Variants in PCDH11X observed in about 807,000 individuals in gnomAD.
PCDH11X encodes the protein protocadherin-11 X-linked.
PCDH11X carries 18 observed loss-of-function variants against 53.3 expected under a neutral mutation model. The observed-to-expected ratio is 0.34, with a 90% CI of 0.23 to 0.50. The LOEUF is 0.50. PCDH11X is among the 20% of genes least tolerant of loss of function. PCDH11X has a pLI of 0.98. For missense variants in PCDH11X, 570 were observed against 1,032.4 expected (o/e 0.55, Z 6.14); for synonymous variants, 279 against 393.3 (o/e 0.71, Z 3.44).
rs186030953 is a variant in PCDH11X at position 92,264,515 on chromosome X, T to C, written c.3144+1372T>C. 9.9e-5 allele frequency among the ~76,000 whole-genome samples: 11 copies of C among 111,484 alleles called. No homozygotes were observed. The Admixed American group carries it at 1.1e-3, about 11-fold the overall frequency. On this transcript the variant is annotated intron_variant, in intron 8 of 10. Coordinates refer to ENST00000682573, the MANE Select transcript of PCDH11X (RefSeq NM_032968.5). ...GTGTATAAAACATGTATTTATATTATATTATGTGTATATTTAGAGAAAGGG... is the reference window on the plus strand; with the variant it reads ...GTGTATAAAACATGTATTTATATTACATTATGTGTATATTTAGAGAAAGGG...
At chrX:92,042,378 C>A (rs2063221534) in intron 6 of PCDH11X, among the ~76,000 whole-genome samples, 2 of 100,224 alleles carry the variant, frequency 2.0e-5, no homozygotes, top group Non-Finnish European at 1.9e-5. Context: ...ATGAATATGT[C>A]TTTCTGAAGA....
intron 8 of PCDH11X, among the ~76,000 whole-genome samples, chrX:92,284,495 A>G (rs1470949060): frequency 1.3e-4 from 15 of 112,403 alleles, no homozygotes; most frequent in Admixed American, 2.8e-4. Context: ...AAACAAAACA[A>G]TATATTTTAA....
chrX:91,821,544 A>G (rs7056054), intron 4 of PCDH11X, among the ~76,000 whole-genome samples: 11,987 of 108,627 alleles, frequency 0.11, 1,892 homozygotes, highest in African/African-American at 0.39. Context: ...ACTTTGCTGA[A>G]GTTGTTTATC....
At chrX:92,586,627 G>A (rs1463696536) in intron 10 of PCDH11X, among the ~76,000 whole-genome samples, 1 of 106,028 alleles carries the variant, frequency 9.4e-6, no homozygotes, top group Non-Finnish European at 1.9e-5. Flanking sequence ...GGTGATGATC[G>A]CTTAATTAAA....
At chrX:91,834,335 C>T (rs2147614883) in intron 4 of PCDH11X, among the ~76,000 whole-genome samples, 1 of 110,235 alleles carries the variant, frequency 9.1e-6, no homozygotes, top group African/African-American at 3.3e-5. Context: ...CAGAAGAGTT[C>T]AAGAACTGAA....
intron 8 of PCDH11X, among the ~76,000 whole-genome samples, chrX:92,308,513 T>C (rs2522759): frequency 0.41 from 44,719 of 109,015 alleles, 8,454 homozygotes; most frequent in East Asian, 0.84. Flanking sequence ...AATGAATCAA[T>C]GACCTTAACC....
intron 5 of PCDH11X, among the ~76,000 whole-genome samples, chrX:91,861,756 C>T (rs2524504): frequency 8.9e-6 from 1 of 111,843 alleles, no homozygotes; most frequent in Non-Finnish European, 1.9e-5. Flanking sequence ...TTGTGCAGAT[C>T]GGTTGAAAAA....
At chrX:92,238,548 T>A (rs1247100811) in intron 7 of PCDH11X, among the ~76,000 whole-genome samples, 5 of 110,849 alleles carry the variant, frequency 4.5e-5, no homozygotes, top group African/African-American at 1.3e-4. Context: ...AATGAGATAA[T>A]ATAGGTAACA....
At chrX:92,156,591 G>T (rs1156711319) in intron 6 of PCDH11X, among the ~76,000 whole-genome samples, 3 of 111,580 alleles carry the variant, frequency 2.7e-5, no homozygotes, top group African/African-American at 9.8e-5. Flanking sequence ...AAATCACTGT[G>T]AATGCAGACA....
At chrX:92,461,699 A>C (rs2073049284) in intron 9 of PCDH11X, among the ~76,000 whole-genome samples, 1 of 111,370 alleles carries the variant, frequency 9.0e-6, no homozygotes, top group Non-Finnish European at 1.9e-5. Flanking sequence ...AAACCAAAAA[A>C]TGGACAAATG....
intron 6 of PCDH11X, among the ~76,000 whole-genome samples, chrX:92,109,368 C>T (rs1288361964): frequency 1.9e-5 from 2 of 106,476 alleles, no homozygotes; most frequent in Non-Finnish European, 3.8e-5. Flanking sequence ...AGGGAGATTC[C>T]ATCTCAAAAA....
At chrX:92,258,558 G>A (rs1224658488) in intron 7 of PCDH11X, among the ~76,000 whole-genome samples, 17 of 109,541 alleles carry the variant, frequency 1.6e-4, no homozygotes, top group African/African-American at 5.0e-4. Flanking sequence ...TAGTGGAGAC[G>A]GGGTTTCACT....
At chrX:92,238,344 A>G (rs902534781) in intron 7 of PCDH11X, among the ~76,000 whole-genome samples, 5 of 111,531 alleles carry the variant, frequency 4.5e-5, no homozygotes, top group Non-Finnish European at 9.4e-5. Flanking sequence ...ATATAATGTC[A>G]TTTGCAGACA....
chrX:92,273,923 T>C (rs1019298597), intron 8 of PCDH11X, among the ~76,000 whole-genome samples: 1 of 110,285 alleles, frequency 9.1e-6, no homozygotes, highest in African/African-American at 3.3e-5. Flanking sequence ...TTCAAGAGTT[T>C]AGAGTGGCAG....
intron 4 of PCDH11X, among the ~76,000 whole-genome samples, chrX:91,813,978 A>C (rs1203662860): frequency 2.9e-5 from 3 of 104,307 alleles, no homozygotes; most frequent in Non-Finnish European, 5.9e-5. Context: ...AAAGTCATCA[A>C]ATTTAGAGAT....
intron 5 of PCDH11X, among the ~76,000 whole-genome samples, chrX:91,840,960 C>T (rs1937505952): frequency 9.0e-6 from 1 of 110,745 alleles, no homozygotes; most frequent in South Asian, 3.8e-4. Context: ...TAAAATTTCT[C>T]CATTTCAGCT....
intron 6 of PCDH11X, among the ~76,000 whole-genome samples, chrX:92,025,388 G>A (rs2062955386): frequency 9.8e-6 from 1 of 102,270 alleles, no homozygotes; most frequent in Non-Finnish European, 2.0e-5. Flanking sequence ...ATCAAAAAGT[G>A]GACAAAAGAT....
intron 6 of PCDH11X, among the ~76,000 whole-genome samples, chrX:92,155,782 G>A (rs1226454916): frequency 1.8e-5 from 2 of 108,990 alleles, no homozygotes; most frequent in African/African-American, 6.7e-5. Context: ...GCCCGCCACC[G>A]CGCCCGGCTA....
chrX:91,916,538 A>T (rs1379586241), intron 6 of PCDH11X, among the ~76,000 whole-genome samples: 1 of 111,357 alleles, frequency 9.0e-6, no homozygotes, highest in Non-Finnish European at 1.9e-5. Flanking sequence ...GGTTACTATG[A>T]ACGCATTTTT....
Sources: gnomAD v4.1 joint callset for allele counts (sites outside exome capture counted in the v4.1 genomes callset) on GRCh38, gnomAD v4.1.1 for gene constraint, MANE v1.5 for transcripts, NCBI Gene and HGNC (gene_info 2026-07-23, HGNC 2026-07-21) for gene names.